GABRB1: variants seen among roughly 807,000 people sequenced by gnomAD.
GABRB1 encodes gamma-aminobutyric acid type A receptor subunit beta1, also known as gamma-aminobutyric acid receptor subunit beta-1.
A neutral mutation model predicts 51.6 loss-of-function variants in GABRB1; 17 were observed. The ratio of observed to expected loss-of-function variants is 0.33; its 90% CI spans 0.23 to 0.49. GABRB1 has a LOEUF of 0.49. Ranked by LOEUF, GABRB1 falls within the 20% of genes least tolerant of loss-of-function variation. GABRB1 has a pLI of 0.99. For synonymous variants in GABRB1, 247 were observed against 218.9 expected (o/e 1.13, Z -1.14); for missense variants, 410 against 600.6 (o/e 0.68, Z 3.32).
intron 7 of GABRB1, among the ~76,000 whole-genome samples, chr4:47,404,569 C>T (rs746448698): frequency 1.2e-4 from 18 of 151,624 alleles, no homozygotes; most frequent in South Asian, 2.1e-4. Context: ...CTCTTCACTT[C>T]GGAGACTGTT....
intron 8 of GABRB1, among the ~76,000 whole-genome samples, chr4:47,408,179 G>A (rs1229876644): frequency 6.6e-6 from 1 of 152,172 alleles, no homozygotes; most frequent in East Asian, 1.9e-4. Flanking sequence ...ACTTTGGTAA[G>A]ACCTCTCTGT....
At chr4:47,129,457 C>A (rs1242327119) in intron 3 of GABRB1, among the ~76,000 whole-genome samples, 1 of 152,158 alleles carries the variant, frequency 6.6e-6, no homozygotes, top group East Asian at 1.9e-4. Context: ...TTAATGTATT[C>A]ATCATTGGCA....
At chr4:47,128,929 C>G (rs1043263293) in intron 3 of GABRB1, among the ~76,000 whole-genome samples, 10 of 152,022 alleles carry the variant, frequency 6.6e-5, no homozygotes, top group African/African-American at 2.4e-4. Context: ...CATTGTTGAA[C>G]AAGTAGTGAC....
intron 5 of GABRB1, among the ~76,000 whole-genome samples, chr4:47,378,086 A>G (rs1727453195): frequency 1.3e-5 from 2 of 152,172 alleles, no homozygotes; most frequent in South Asian, 4.1e-4. Flanking sequence ...GGCGCCGTAG[A>G]GCAGGGGGTG....
intron 4 of GABRB1, among the ~76,000 whole-genome samples, chr4:47,225,038 G>A (rs1056372789): frequency 6.6e-6 from 1 of 152,082 alleles, no homozygotes; most frequent in Non-Finnish European, 1.5e-5. Flanking sequence ...GGGATTACAG[G>A]CATGCACCAC....
intron 5 of GABRB1, among the ~76,000 whole-genome samples, chr4:47,393,303 TCCTTGA>T (rs1175987410): frequency 6.6e-6 from 1 of 152,192 alleles, no homozygotes; most frequent in Non-Finnish European, 1.5e-5. Flanking sequence ...TGAGAATCAG[TCCTTGA>T]CCTCAAGAAG....
chr4:47,089,600 A>G (rs1188978822), intron 3 of GABRB1, among the ~76,000 whole-genome samples: 1 of 152,230 alleles, frequency 6.6e-6, no homozygotes. Context: ...GTTCTGAAGC[A>G]CATCATATTT....
chr4:47,383,727 G>C (rs944077521), intron 5 of GABRB1, among the ~76,000 whole-genome samples: 6 of 152,094 alleles, frequency 3.9e-5, no homozygotes, highest in African/African-American at 1.4e-4. Flanking sequence ...GTTAGTGAAA[G>C]TATTATAACT....
At chr4:47,222,889 C>T (rs1244857795) in intron 4 of GABRB1, among the ~76,000 whole-genome samples, 2 of 152,102 alleles carry the variant, frequency 1.3e-5, no homozygotes, top group African/African-American at 2.4e-5. Context: ...AAACATTCTT[C>T]TTATCTAAAA....
In GABRB1 at chr4:47,294,388, G is replaced by T. The variant is rs186722519; in HGVS notation, c.462-25739G>T. Among the ~76,000 whole-genome samples the T allele has an allele frequency of 6.4e-3, 977 of 152,244 alleles. 10 individuals are homozygous for T. Among genetic ancestry groups the T allele is most frequent in the African/African-American group, 0.022 (902 of 41,534 alleles). On this transcript the variant is annotated intron_variant, in intron 4 of 8. Transcript: ENST00000295454. ...GGTGACAGATGGCACCTGGAAAATC[G>T]GGTCACTCCCACCCTAATACTGTGC...
At chr4:47,296,664 A>T (rs1057181307) in intron 4 of GABRB1, among the ~76,000 whole-genome samples, 1 of 152,196 alleles carries the variant, frequency 6.6e-6, no homozygotes, top group African/African-American at 2.4e-5. Context: ...ATAATGGGAG[A>T]CTTTAACACC....
chr4:47,369,875 T>A (rs1727125018), intron 5 of GABRB1, among the ~76,000 whole-genome samples: 1 of 152,220 alleles, frequency 6.6e-6, no homozygotes. Context: ...TCAAGAATAG[T>A]TACTGACAAT....
At chr4:47,264,394 A>G (rs150904778) in intron 4 of GABRB1, among the ~76,000 whole-genome samples, 13 of 152,380 alleles carry the variant, frequency 8.5e-5, no homozygotes, top group Non-Finnish European at 1.3e-4. Context: ...AGCACCAAAG[A>G]GAAAGCAAGG....
At chr4:47,304,591 C>G (rs1034499792) in intron 4 of GABRB1, among the ~76,000 whole-genome samples, 6 of 152,066 alleles carry the variant, frequency 3.9e-5, no homozygotes, top group Admixed American at 1.3e-4. Context: ...TCTATTATCT[C>G]TGTTGATTGT....
chr4:47,050,682 C>T (rs528426282), intron 3 of GABRB1, among the ~76,000 whole-genome samples: 1 of 152,272 alleles, frequency 6.6e-6, no homozygotes, highest in Admixed American at 6.5e-5. Flanking sequence ...CCTGGATTTT[C>T]CCTGTTGCAT....
At chr4:47,326,541 T>C (rs911507556) in intron 5 of GABRB1, among the ~76,000 whole-genome samples, 10 of 152,132 alleles carry the variant, frequency 6.6e-5, no homozygotes, top group Non-Finnish European at 1.3e-4. Context: ...AAAAACATAG[T>C]ATATGTAGGG....
chr4:47,110,994 T>C (rs1023785001), intron 3 of GABRB1, among the ~76,000 whole-genome samples: 1 of 152,160 alleles, frequency 6.6e-6, no homozygotes, highest in Non-Finnish European at 1.5e-5. Flanking sequence ...AAGGATATTA[T>C]AACATAAGGC....
chr4:47,125,594 C>T (rs1432751615), intron 3 of GABRB1, among the ~76,000 whole-genome samples: 4 of 56,398 alleles, frequency 7.1e-5, no homozygotes, highest in South Asian at 5.6e-4. Context: ...CTCGCTCTGT[C>T]GCCCAGGCTG....
chr4:47,086,784 C>T (rs1478023232), intron 3 of GABRB1, among the ~76,000 whole-genome samples: 3 of 152,140 alleles, frequency 2.0e-5, no homozygotes, highest in Admixed American at 1.3e-4. Flanking sequence ...TCACATAGAG[C>T]TCTCATTTCT....
Sources: allele counts gnomAD v4.1 joint callset (sites outside exome capture counted in the v4.1 genomes callset), GRCh38; gene constraint gnomAD v4.1.1; transcripts MANE v1.5; gene names NCBI Gene and HGNC (gene_info 2026-07-23, HGNC 2026-07-21).